NBEA: variants seen among roughly 807,000 people sequenced by gnomAD.
NBEA encodes the protein lysosomal-trafficking regulator 2.
A neutral mutation model predicts 343.4 loss-of-function variants in NBEA; 44 were observed. That is an observed-to-expected ratio of 0.13 (90% CI 0.10 to 0.16). The LOEUF is 0.16. NBEA is among the 10% of genes least tolerant of loss of function. NBEA has a pLI of 1.00. For synonymous variants in NBEA, 1,175 were observed against 1,238.7 expected (o/e 0.95, Z 1.08); for missense variants, 2,555 against 3,631.3 (o/e 0.70, Z 7.62).
intron 10 of NBEA, among the ~76,000 whole-genome samples, chr13:35,084,751 A>G (rs570087369): frequency 6.6e-6 from 1 of 152,176 alleles, no homozygotes; most frequent in Non-Finnish European, 1.5e-5. Flanking sequence ...ACTAAAGGAA[A>G]TAGAGACACA....
intron 18 of NBEA, among the ~76,000 whole-genome samples, chr13:35,145,097 T>C (rs2152698681): frequency 6.6e-6 from 1 of 152,322 alleles, no homozygotes; most frequent in East Asian, 1.9e-4. Flanking sequence ...ACAACAGGTG[T>C]GGTTTATTAC....
intron 41 of NBEA, among the ~76,000 whole-genome samples, chr13:35,501,894 A>G (rs1327995819): frequency 1.3e-5 from 2 of 151,966 alleles, no homozygotes; most frequent in Non-Finnish European, 2.9e-5. Flanking sequence ...ATTTTTTTCC[A>G]CATTGTCAGA....
chr13:35,035,939 C>T (rs1017386996), intron 1 of NBEA, among the ~76,000 whole-genome samples: 1 of 151,720 alleles, frequency 6.6e-6, no homozygotes, highest in African/African-American at 2.4e-5. Context: ...GGCAACAGAC[C>T]AATAGGTCTT....
intron 40 of NBEA, among the ~76,000 whole-genome samples, chr13:35,455,747 A>G (rs1256234728): frequency 2.0e-5 from 3 of 152,240 alleles, no homozygotes; most frequent in Non-Finnish European, 1.5e-5. Flanking sequence ...ACAACCCAAT[A>G]AGGTAAAAAT....
chr13:34,965,906 G>C (rs1593302947), intron 1 of NBEA, among the ~76,000 whole-genome samples: 1 of 152,032 alleles, frequency 6.6e-6, no homozygotes, highest in South Asian at 2.1e-4. Context: ...TGATAATGTA[G>C]TTACAAGTTT....
chr13:35,468,189 A>G (rs1044585524), intron 40 of NBEA, among the ~76,000 whole-genome samples: 11 of 145,636 alleles, frequency 7.6e-5, no homozygotes, highest in African/African-American at 2.8e-4. Flanking sequence ...ACCTCTGGGA[A>G]CTGGCCTGCC....
intron 17 of NBEA, among the ~76,000 whole-genome samples, chr13:35,138,313 A>G (rs2067859104): frequency 6.6e-6 from 1 of 152,176 alleles, no homozygotes; most frequent in Non-Finnish European, 1.5e-5. Context: ...AAAAGCTTTT[A>G]ACCCAATCAT....
At chr13:35,610,410 A>G (rs1173511416) in intron 48 of NBEA, among the ~76,000 whole-genome samples, 1 of 152,158 alleles carries the variant, frequency 6.6e-6, no homozygotes, top group Non-Finnish European at 1.5e-5. Context: ...CCCTCTCTCA[A>G]AAAAATAAAA....
At chr13:35,520,529 C>T (rs1454628395) in intron 41 of NBEA, among the ~76,000 whole-genome samples, 1 of 152,034 alleles carries the variant, frequency 6.6e-6, no homozygotes, top group African/African-American at 2.4e-5. Flanking sequence ...CTGATGCTAG[C>T]GAGGAAAAGG....
chr13:35,283,751 A>G (rs1594072316), intron 34 of NBEA, among the ~76,000 whole-genome samples: 1 of 152,298 alleles, frequency 6.6e-6, no homozygotes, highest in Non-Finnish European at 1.5e-5. Context: ...TGTAAATAGC[A>G]TCACATTATT....
chr13:35,000,390 AAGAT>A (rs2061087232), intron 1 of NBEA, among the ~76,000 whole-genome samples: 1 of 152,056 alleles, frequency 6.6e-6, no homozygotes, highest in Non-Finnish European at 1.5e-5. Context: ...TGTTTCGGAG[AAGAT>A]AGATATGCTT....
At chr13:35,229,285 G>T (rs961569669) in intron 33 of NBEA, among the ~76,000 whole-genome samples, 6 of 152,084 alleles carry the variant, frequency 3.9e-5, no homozygotes, top group African/African-American at 1.4e-4. Context: ...TCCTTCTTCA[G>T]TCTTCCAAAG....
intron 11 of NBEA, among the ~76,000 whole-genome samples, chr13:35,108,366 G>A (rs1020131469): frequency 1.3e-5 from 2 of 151,712 alleles, no homozygotes; most frequent in Non-Finnish European, 2.9e-5. Context: ...TAATATTATA[G>A]CATTTTTATC....
Position 35,288,347 on chromosome 13 carries a change from C to T in NBEA, c.5777-2042C>T, listed in dbSNP as rs1346883211. 4.0e-5 allele frequency among the ~76,000 whole-genome samples: 6 copies of T among 151,890 alleles called. No homozygotes were observed. In the South Asian group the frequency reaches 6.2e-4, roughly 16 times the overall value. ...GCCTCTGCTTGTGTTCTCAATGTCA[C>T]GTTTAGTTCTTCTTTTGCTTTTGGG... On this transcript the variant is annotated intron_variant, in intron 34 of 58. Coordinates refer to ENST00000379939, the MANE Select transcript of NBEA (RefSeq NM_001385012.1).
intron 41 of NBEA, among the ~76,000 whole-genome samples, chr13:35,517,380 A>G (rs775692588): frequency 3.3e-5 from 5 of 152,150 alleles, no homozygotes; most frequent in Non-Finnish European, 7.4e-5. Context: ...CTACAGCTCT[A>G]TATTCTTAGC....
intron 45 of NBEA, among the ~76,000 whole-genome samples, chr13:35,582,342 G>A (rs569199443): frequency 3.3e-4 from 50 of 151,926 alleles, no homozygotes; most frequent in Non-Finnish European, 6.3e-4. Context: ...CTTCAATTCC[G>A]TAACAGACCT....
chr13:35,559,949 A>C (rs1169367658), intron 44 of NBEA, among the ~76,000 whole-genome samples: 1 of 145,954 alleles, frequency 6.9e-6, no homozygotes, highest in Non-Finnish European at 1.5e-5. Context: ...AAAAAAAAAA[A>C]GAAACATTTC....
intron 33 of NBEA, among the ~76,000 whole-genome samples, chr13:35,232,018 CTACTTTGGCAAAGCATTCAACTGTAT>C (rs1382558854): frequency 6.6e-6 from 1 of 152,044 alleles, no homozygotes; most frequent in African/African-American, 2.4e-5. Context: ...TGGAAAATGC[CTACTTTGGCAAAGCATTCAACTGTAT>C]TACAACGAAT....
At position 35,452,036 on chromosome 13, in the gene NBEA, A is replaced by G. The variant is rs1406580623; in HGVS notation, c.6305-56A>G. 5 of 1,246,552 alleles carry G rather than the reference A, an allele frequency of 4.0e-6. No individual in the cohort carries two copies. The Admixed American group carries it at 6.1e-5, about 15-fold the overall frequency. 77.2% of individuals were successfully genotyped at this position (1,246,552 alleles called of 1,614,324 possible). On this transcript the variant is annotated intron_variant, in intron 39 of 58. Coordinates refer to ENST00000379939, the MANE Select transcript of NBEA (RefSeq NM_001385012.1). Reference sequence around the variant, plus strand: ...AAGCAATCAATTATTTATAATACCTACTATAAGCAGAAACAATCATAATAA... The same window carrying G: ...AAGCAATCAATTATTTATAATACCTGCTATAAGCAGAAACAATCATAATAA...
Sources: allele counts gnomAD v4.1 joint callset (sites outside exome capture counted in the v4.1 genomes callset), GRCh38; gene constraint gnomAD v4.1.1; transcripts MANE v1.5; gene names NCBI Gene and HGNC (gene_info 2026-07-23, HGNC 2026-07-21).